The following FAT3 variants were observed in gnomAD, a reference collection of about 807,000 sequenced individuals.
The protein encoded by FAT3 is protocadherin Fat 3.
In FAT3, 95 loss-of-function variants were observed where a neutral mutation model predicts 310.2. That is an observed-to-expected ratio of 0.31 (90% CI 0.26 to 0.36). FAT3 has a LOEUF of 0.36. Among genes scored for constraint, FAT3 ranks in the 10% least tolerant of loss-of-function variants. The pLI, the probability that FAT3 is intolerant of heterozygous loss-of-function variation, is 1.00. For missense variants in FAT3, 5,408 were observed against 5,715.6 expected, an observed-to-expected ratio of 0.95 and a Z score of 1.74; for synonymous variants, 2,314 against 2,192.9, an observed-to-expected ratio of 1.06 and a Z score of -1.54.
Position 92,595,284 on chromosome 11 carries a change from G to A in FAT3, c.3607+70336G>A, listed in dbSNP as rs1939646034. ...AGGAGGAGTCCACATCCCCATCAAG[G>A]CTTCTCAGAGAGTCCTCCCCTCCCC... is the stretch of plus-strand genomic sequence containing the variant. On this transcript the variant is annotated intron_variant, in intron 3 of 27. Transcript: ENST00000525166. 2.0e-5 allele frequency among the ~76,000 whole-genome samples: 3 copies of A among 152,022 alleles called. No individual in the cohort carries two copies. The South Asian group carries it at 6.2e-4, about 32-fold the overall frequency.
intron 1 of FAT3, among the ~76,000 whole-genome samples, chr11:92,280,067 T>A (rs1251985637): frequency 6.6e-6 from 1 of 152,152 alleles, no homozygotes; most frequent in African/African-American, 2.4e-5. Flanking sequence ...AAATCTAGTA[T>A]AAAATCATAG....
intron 2 of FAT3, among the ~76,000 whole-genome samples, chr11:92,508,909 T>A (rs1953200366): frequency 6.6e-6 from 1 of 152,156 alleles, no homozygotes; most frequent in Non-Finnish European, 1.5e-5. Context: ...TGTTCTGACA[T>A]TTTATTTAAA....
At chr11:92,329,892 T>G (rs955998427) in intron 1 of FAT3, among the ~76,000 whole-genome samples, 10 of 151,452 alleles carry the variant, frequency 6.6e-5, no homozygotes, top group African/African-American at 2.4e-4. Flanking sequence ...GAATGAAGTT[T>G]GCACACTGGG....
At chr11:92,406,917 C>T (rs1950148151) in intron 2 of FAT3, among the ~76,000 whole-genome samples, 1 of 152,164 alleles carries the variant, frequency 6.6e-6, no homozygotes, top group South Asian at 2.1e-4. Context: ...ATCCACTCTA[C>T]AGAGCATGAA....
chr11:92,760,257 G>A (rs1039356108), intron 4 of FAT3, among the ~76,000 whole-genome samples: 6 of 152,204 alleles, frequency 3.9e-5, no homozygotes, highest in Non-Finnish European at 5.9e-5. Flanking sequence ...GTCTATTAAA[G>A]CTATCCTCCT....
At chr11:92,706,864 A>G (rs541214770) in intron 4 of FAT3, among the ~76,000 whole-genome samples, 2 of 152,344 alleles carry the variant, frequency 1.3e-5, no homozygotes, top group East Asian at 1.9e-4. Flanking sequence ...ATTACCACAT[A>G]TGAAGACTTG....
chr11:92,890,761 C>T lies in FAT3; in HGVS notation c.13418C>T (p.Ser4473Phe). 2 of 1,613,906 alleles carry T rather than the reference C, an allele frequency of 1.2e-6. No individual in the cohort carries two copies. Among genetic ancestry groups the T allele is most frequent in the Non-Finnish European group, 1.7e-6 (2 of 1,179,864 alleles). Residue 4473 changes from serine to phenylalanine, a missense_variant, in exon 28 of 28, where the codon TCC becomes TTC. Coordinates refer to ENST00000525166, the MANE Select transcript of FAT3 (RefSeq NM_001367949.2). ...GCCCTGCCACCCTCCCAGCCTGTCT[C>T]CCTGGCCAGCACACTGAGCCCAGAC... ...YEALPPSQPVSLASTLSPDCR... is the reference protein window; with the variant it reads ...YEALPPSQPVFLASTLSPDCR...
intron 1 of FAT3, among the ~76,000 whole-genome samples, chr11:92,325,845 T>C (rs1947749364): frequency 6.6e-6 from 1 of 152,190 alleles, no homozygotes; most frequent in South Asian, 2.1e-4. Flanking sequence ...TTGGCGAGCA[T>C]GGTCTCGATC....
At chr11:92,549,023 A>G (rs1954712658) in intron 3 of FAT3, among the ~76,000 whole-genome samples, 1 of 152,202 alleles carries the variant, frequency 6.6e-6, no homozygotes, top group African/African-American at 2.4e-5. Context: ...GGCTAATTAG[A>G]CTGCCAAGAT....
At chr11:92,501,322 C>T (rs1368845067) in intron 2 of FAT3, among the ~76,000 whole-genome samples, 1 of 152,072 alleles carries the variant, frequency 6.6e-6, no homozygotes, top group Non-Finnish European at 1.5e-5. Flanking sequence ...TGGTCTAGGT[C>T]AGCAAATGCA....
chr11:92,543,797 A>C (rs1954527638), intron 3 of FAT3, among the ~76,000 whole-genome samples: 1 of 152,220 alleles, frequency 6.6e-6, no homozygotes, highest in South Asian at 2.1e-4. Context: ...TTAATTTAAC[A>C]AATGGATATG....
intron 2 of FAT3, among the ~76,000 whole-genome samples, chr11:92,455,270 G>A (rs1290816802): frequency 6.6e-6 from 1 of 152,084 alleles, no homozygotes; most frequent in African/African-American, 2.4e-5. Flanking sequence ...TATTCTCTGG[G>A]TACAGCTTTA....
At chr11:92,455,633 C>A (rs1180062530) in intron 2 of FAT3, among the ~76,000 whole-genome samples, 1 of 152,088 alleles carries the variant, frequency 6.6e-6, no homozygotes, top group African/African-American at 2.4e-5. Flanking sequence ...TGCTACTCAG[C>A]AGAAAGTCCC....
intron 3 of FAT3, among the ~76,000 whole-genome samples, chr11:92,550,512 T>C (rs1446261283): frequency 6.6e-6 from 1 of 152,222 alleles, no homozygotes; most frequent in East Asian, 1.9e-4. Context: ...GTGACTTCAT[T>C]GCATTAGACT....
At chr11:92,843,866 G>A (rs182361621) in intron 18 of FAT3, 68 bp from the exon 19 acceptor site, 31 of 1,420,770 alleles carry the variant, frequency 2.2e-5, no homozygotes, top group East Asian at 4.6e-5. Flanking sequence ...TTCTATCTGC[G>A]GGTTTTTAAA....
intron 2 of FAT3, among the ~76,000 whole-genome samples, chr11:92,413,519 C>G (rs1405085755): frequency 6.6e-6 from 1 of 152,096 alleles, no homozygotes; most frequent in Non-Finnish European, 1.5e-5. Context: ...GTGTTCTTAT[C>G]ATTTTCTTGT....
intron 1 of FAT3, among the ~76,000 whole-genome samples, chr11:92,295,688 C>T (rs1157707423): frequency 1.3e-5 from 2 of 152,044 alleles, no homozygotes; most frequent in Non-Finnish European, 2.9e-5. Flanking sequence ...AATGATTCAT[C>T]GTCGGCAGGC....
chr11:92,441,455 C>T (rs1951061709), intron 2 of FAT3, among the ~76,000 whole-genome samples: 1 of 152,112 alleles, frequency 6.6e-6, no homozygotes, highest in Non-Finnish European at 1.5e-5. Flanking sequence ...ATAATAAATA[C>T]TTCTTATAGC....
intron 13 of FAT3, among the ~76,000 whole-genome samples, chr11:92,821,147 T>C (rs550515927): frequency 6.6e-6 from 1 of 152,256 alleles, no homozygotes; most frequent in East Asian, 1.9e-4. Context: ...TATTAGATCT[T>C]AGGATGTTAC....
Sources: gnomAD v4.1 joint callset for allele counts (sites outside exome capture counted in the v4.1 genomes callset) on GRCh38, gnomAD v4.1.1 for gene constraint, MANE v1.5 for transcripts, NCBI Gene and HGNC (gene_info 2026-07-23, HGNC 2026-07-21) for gene names.